ZNF76: variants seen among roughly 807,000 people sequenced by gnomAD.
ZNF76 encodes the protein zinc finger protein 523.
Under a neutral mutation model 66.9 loss-of-function variants are expected in ZNF76, and 66 were observed. That is an observed-to-expected ratio of 0.99 (90% CI 0.81 to 1.21). The LOEUF is 1.21. ZNF76 is among the 50% of genes most tolerant of loss of function. The pLI is 0.00. For synonymous variants in ZNF76, 275 were observed against 296.1 expected, an observed-to-expected ratio of 0.93 and a Z score of 0.73; for missense variants, 729 against 760.3, an observed-to-expected ratio of 0.96 and a Z score of 0.48.
intron 1 of ZNF76, among the ~76,000 whole-genome samples, chr6:35,276,289 A>T (rs567346522): frequency 1.9e-4 from 29 of 152,230 alleles, no homozygotes; most frequent in Non-Finnish European, 4.1e-4. Flanking sequence ...ACATAGAGAT[A>T]GAATCGAGAT....
chr6:35,281,277 A>G, intron 2 of ZNF76, 53 bp downstream of exon 2: 1 of 1,561,464 alleles, frequency 6.4e-7, no homozygotes, highest in South Asian at 1.1e-5. Flanking sequence ...GCCTCTGGAA[A>G]GGAGTGTCCA....
At chr6:35,266,567 A>G (rs1224846793) in intron 1 of ZNF76, among the ~76,000 whole-genome samples, 1 of 152,158 alleles carries the variant, frequency 6.6e-6, no homozygotes, top group Non-Finnish European at 1.5e-5. Flanking sequence ...TTGAGTAAGC[A>G]GCTGGATATT....
chr6:35,262,508 A>T (rs553075933), intron 1 of ZNF76, among the ~76,000 whole-genome samples: 1 of 152,132 alleles, frequency 6.6e-6, no homozygotes, highest in South Asian at 2.1e-4. Flanking sequence ...CACTCACCAT[A>T]CAGTGTCTCC....
intron 1 of ZNF76, among the ~76,000 whole-genome samples, chr6:35,266,256 G>T (rs1177848858): frequency 2.6e-5 from 4 of 151,868 alleles, no homozygotes; most frequent in Non-Finnish European, 5.9e-5. Context: ...GGGTTCAAGT[G>T]ATTCTTCTGC....
At chr6:35,293,334 C>G (rs181447949) in intron 11 of ZNF76, among the ~76,000 whole-genome samples, 2 of 152,144 alleles carry the variant, frequency 1.3e-5, no homozygotes, top group Admixed American at 6.5e-5. Context: ...ATGTCCTTCT[C>G]AAGAGAGGCA....
chr6:35,290,491 G>A, intron 6 of ZNF76, 109 bp downstream of exon 6: 1 of 1,542,730 alleles, frequency 6.5e-7, no homozygotes, highest in Non-Finnish European at 8.9e-7. Flanking sequence ...TTGCTGGAGG[G>A]AAGAAATGAG....
chr6:35,291,082 A>G (rs1790305650), intron 7 of ZNF76, 196 bp from the exon 8 acceptor site: 3 of 651,658 alleles, frequency 4.6e-6, no homozygotes, highest in Non-Finnish European at 5.2e-6. Context: ...ATGTTCTGGT[A>G]TGGCTCCAAC....
intron 2 of ZNF76, among the ~76,000 whole-genome samples, chr6:35,284,972 A>G (rs1041187977): frequency 2.0e-5 from 3 of 152,190 alleles, no homozygotes; most frequent in African/African-American, 7.2e-5. Flanking sequence ...TGGCCTCCCA[A>G]AGTGTTGGGA....
At chr6:35,280,807 G>C (rs1171231046) in intron 1 of ZNF76, among the ~76,000 whole-genome samples, 1 of 152,162 alleles carries the variant, frequency 6.6e-6, no homozygotes, top group East Asian at 1.9e-4. Context: ...GTTTAGAAAT[G>C]GGTTTTGATC....
chr6:35,271,889 A>G (rs1787118258), intron 1 of ZNF76, among the ~76,000 whole-genome samples: 1 of 152,154 alleles, frequency 6.6e-6, no homozygotes, highest in African/African-American at 2.4e-5. Flanking sequence ...TGGGAGATCA[A>G]GACCAGCCTG....
Position 35,295,645 on chromosome 6 carries a change from A to C in ZNF76, c.*397A>C, listed in dbSNP as rs576960350. On this transcript the variant is annotated 3_prime_UTR_variant, in exon 14 of 14. Transcript: ENST00000373953. ...GCCACAGACAGCTCTTCAGCCCAGTAGCAGTGGAGCAGGCCCTGTCCTGCC... is the reference window on the plus strand; with the variant it reads ...GCCACAGACAGCTCTTCAGCCCAGTCGCAGTGGAGCAGGCCCTGTCCTGCC... 3.6e-4 allele frequency: 102 copies of C among 285,480 alleles called. 1 individual carries two copies. Among genetic ancestry groups the C allele is most frequent in the South Asian group, 3.4e-3 (100 of 29,520 alleles). 17.7% of individuals were successfully genotyped at this position (285,480 alleles called of 1,614,324 possible).
intron 2 of ZNF76, among the ~76,000 whole-genome samples, chr6:35,284,844 G>A (rs1253193647): frequency 6.6e-6 from 1 of 151,962 alleles, no homozygotes; most frequent in Non-Finnish European, 1.5e-5. Flanking sequence ...CCGAGTAACT[G>A]GGACCACAGG....
intron 9 of ZNF76, 68 bp downstream of exon 9, chr6:35,291,805 C>T: frequency 6.4e-7 from 1 of 1,559,872 alleles, no homozygotes; most frequent in Non-Finnish European, 8.7e-7. Flanking sequence ...GGCTTCCCAT[C>T]TAAGACACAT....
intron 1 of ZNF76, among the ~76,000 whole-genome samples, chr6:35,276,961 G>GT (rs34045342): frequency 0.1 from 9,507 of 93,092 alleles, 406 homozygotes; most frequent in Non-Finnish European, 0.15. Context: ...GCTAATTTTT[G>GT]TATTTTTTTT....
In ZNF76 at chr6:35,295,191, G is replaced by C; in HGVS notation, c.1656G>C (p.Ala552=). The C allele has an allele frequency of 6.2e-7, 1 of 1,612,436 alleles. No individual in the cohort carries two copies. Among genetic ancestry groups the C allele is most frequent in the Non-Finnish European group, 8.5e-7 (1 of 1,179,302 alleles). The change falls in exon 14 of 14, where the codon GCG becomes GCC. Residue 552 remains alanine (A), a synonymous_variant. Transcript: ENST00000373953. ...TLEEAINVAT[A]AMQQGAVTLE... ...AGGAGGCCATCAATGTGGCCACTGCGGCCATGCAGCAAGGGGCTGTGACCC... is the reference window on the plus strand; with the variant it reads ...AGGAGGCCATCAATGTGGCCACTGCCGCCATGCAGCAAGGGGCTGTGACCC...
At chr6:35,271,567 G>A (rs1248659006) in intron 1 of ZNF76, among the ~76,000 whole-genome samples, 1 of 152,144 alleles carries the variant, frequency 6.6e-6, no homozygotes, top group Non-Finnish European at 1.5e-5. Context: ...CTACTTGGGA[G>A]GCTGAGGCAG....
rs1788707293 is a variant in ZNF76, at chr6:35,281,065, C to T, written c.-87C>T. 7.0e-6 allele frequency: 9 copies of T among 1,279,536 alleles called. No individual in the cohort carries two copies. The highest frequency in any genetic ancestry group is 1.0e-5 in the Non-Finnish European group (9 of 876,312). The allele number at this position is 1,279,536 out of a possible 1,614,324, so 79.3% of individuals were successfully genotyped here. On this transcript the variant is annotated 5_prime_UTR_variant, in exon 2 of 14. Transcript: ENST00000373953. ...CTGTTTATTTTCTTAGATTTGTGACCCAGAAGGAAATCTCTGACCTCAGCT... is the reference window on the plus strand; with the variant it reads ...CTGTTTATTTTCTTAGATTTGTGACTCAGAAGGAAATCTCTGACCTCAGCT...
At chr6:35,274,797 G>A (rs897873734) in intron 1 of ZNF76, among the ~76,000 whole-genome samples, 20 of 152,262 alleles carry the variant, frequency 1.3e-4, no homozygotes, top group African/African-American at 4.6e-4. Context: ...GAAACACATC[G>A]ATATATTGCA....
At chr6:35,273,863 GA>G (rs34544400) in intron 1 of ZNF76, among the ~76,000 whole-genome samples, 101,084 of 150,782 alleles carry the variant, frequency 0.67, 37,211 homozygotes, top group Non-Finnish European at 0.82. Context: ...TTAAAAAGAA[GA>G]AAAAAAAAAT....
Sources: gnomAD v4.1 joint callset for allele counts (sites outside exome capture counted in the v4.1 genomes callset) on GRCh38, gnomAD v4.1.1 for gene constraint, MANE v1.5 for transcripts, NCBI Gene and HGNC (gene_info 2026-07-23, HGNC 2026-07-21) for gene names.